CTPS1: variants seen among roughly 807,000 people sequenced by gnomAD.
The protein encoded by CTPS1 is CTP synthase 1.
A neutral mutation model predicts 80.5 loss-of-function variants in CTPS1; 25 were observed. The observed-to-expected ratio is 0.31, with a 90% confidence interval of 0.23 to 0.43. CTPS1 has a LOEUF of 0.43. Among genes scored for constraint, CTPS1 ranks in the 20% least tolerant of loss-of-function variants. The pLI is 1.00. For synonymous variants in CTPS1, 267 were observed against 252.5 expected (o/e 1.06, Z -0.54); for missense variants, 442 against 725.7 (o/e 0.61, Z 4.49).
At chr1:40,982,627 T>A (rs1338569401) in intron 1 of CTPS1, among the ~76,000 whole-genome samples, 1 of 152,174 alleles carries the variant, frequency 6.6e-6, no homozygotes, top group Non-Finnish European at 1.5e-5. Context: ...TGACCTCAAG[T>A]GATCCTCCTG....
chr1:41,000,064 A>C (rs182952973), intron 9 of CTPS1, among the ~76,000 whole-genome samples: 1 of 152,358 alleles, frequency 6.6e-6, no homozygotes, highest in East Asian at 1.9e-4. Flanking sequence ...AACACTAAGC[A>C]AAAGAAGCCA....
chr1:41,004,325 C>T (rs1642979176), intron 12 of CTPS1: 1 of 152,252 alleles, frequency 6.6e-6, no homozygotes, highest in Non-Finnish European at 1.5e-5. Context: ...GGGTTTCATT[C>T]ACCCTTTCCC....
intron 5 of CTPS1, among the ~76,000 whole-genome samples, chr1:40,990,948 G>A (rs1642591047): frequency 6.6e-6 from 1 of 152,176 alleles, no homozygotes; most frequent in African/African-American, 2.4e-5. Flanking sequence ...GATTGGAAAG[G>A]GGAGAGTGGG....
rs1288200124 is a variant in CTPS1, at chr1:40,983,388, A to G, written c.98A>G (p.His33Arg). 4 of 1,614,106 alleles carry G rather than the reference A, an allele frequency of 2.5e-6. No individual in the cohort carries two copies. Among genetic ancestry groups the G allele is most frequent in the Admixed American group, 3.3e-5 (2 of 60,010 alleles). ...ACAATACTCAAGTCATGTGGTTTAC[A>G]TGTAACTTCAATCAAAATTGACCCC... Reference protein sequence around the residue: ...VGTILKSCGLHVTSIKIDPYI... With the variant: ...VGTILKSCGLRVTSIKIDPYI... The change falls in exon 2 of 19, where the codon CAT becomes CGT. Residue 33 changes from histidine (H) to arginine (R), a missense_variant. Coordinates refer to ENST00000650070, the MANE Select transcript of CTPS1 (RefSeq NM_001905.4).
In CTPS1 at chr1:40,991,092, A is replaced by C. The variant is rs947979634; in HGVS notation, c.556-73A>C. ...TCTATTTCCTTATTAAAAGAGGTTCAAGGAAAAGTCATACTTGAAAATTCC... is the reference window on the plus strand; with the variant it reads ...TCTATTTCCTTATTAAAAGAGGTTCCAGGAAAAGTCATACTTGAAAATTCC... On this transcript the variant is annotated intron_variant, in intron 5 of 18. Coordinates refer to ENST00000650070, the MANE Select transcript of CTPS1 (RefSeq NM_001905.4). 5.5e-6 allele frequency: 6 copies of C among 1,098,080 alleles called. No individual in the cohort carries two copies. The African/African-American group carries it at 9.7e-5, about 18-fold the overall frequency. 68.0% of individuals were successfully genotyped at this position (1,098,080 alleles called of 1,614,324 possible).
intron 7 of CTPS1, among the ~76,000 whole-genome samples, chr1:40,993,774 CTTT>C (rs71278720): frequency 5.8e-5 from 5 of 85,770 alleles, no homozygotes; most frequent in Admixed American, 1.6e-4. Context: ...TTTCTTCTCT[CTTT>C]TTTTTTTTTT....
chr1:41,005,950 A>G, intron 12 of CTPS1, 101 bp from the exon 13 acceptor site: 1 of 936,060 alleles, frequency 1.1e-6, no homozygotes, highest in South Asian at 1.4e-5. Context: ...CTAATCACTG[A>G]TCTTAAACTG....
intron 18 of CTPS1, among the ~76,000 whole-genome samples, chr1:41,010,871 C>T (rs1040208266): frequency 3.3e-5 from 5 of 152,120 alleles, no homozygotes; most frequent in African/African-American, 9.7e-5. Flanking sequence ...GGCACTGCCA[C>T]GAAATGTAAA....
chr1:40,984,417 A>T (rs1165270155), intron 2 of CTPS1, among the ~76,000 whole-genome samples: 1 of 152,250 alleles, frequency 6.6e-6, no homozygotes, highest in East Asian at 1.9e-4. Flanking sequence ...ATATGCATAT[A>T]TCCAGGTTTT....
chr1:41,008,964 GTTA>G, intron 16 of CTPS1, 74 bp downstream of exon 16: 2 of 1,191,452 alleles, frequency 1.7e-6, no homozygotes, highest in Middle Eastern at 2.1e-4. Flanking sequence ...ATATAAAAAT[GTTA>G]TCTTGTTGCT....
chr1:41,009,626 T>C, intron 17 of CTPS1, 37 bp downstream of exon 17: 4 of 1,612,012 alleles, frequency 2.5e-6, no homozygotes, highest in Non-Finnish European at 3.4e-6. Flanking sequence ...CCATTAGTCT[T>C]CTCTAGTCCT....
At chr1:40,980,150 C>T (rs1651798962) in intron 1 of CTPS1, 1 of 151,284 alleles carries the variant, frequency 6.6e-6, no homozygotes, top group Non-Finnish European at 1.5e-5. Flanking sequence ...GCCGAATCAG[C>T]TCGGCCGGGC....
chr1:40,988,428 AG>A, intron 4 of CTPS1, 165 bp from the exon 5 acceptor site: 1 of 604,538 alleles, frequency 1.7e-6, no homozygotes. Context: ...TTTAGTACAA[AG>A]AGTTGTCTAA....
chr1:40,981,944 T>C (rs1438141879), intron 1 of CTPS1: 1 of 1,276,460 alleles, frequency 7.8e-7, no homozygotes, highest in Non-Finnish European at 1.0e-6. Context: ...TATCATAATT[T>C]GGCTTCACAT....
chr1:40,998,515 G>T (rs1053534186), intron 9 of CTPS1, among the ~76,000 whole-genome samples: 1 of 151,680 alleles, frequency 6.6e-6, no homozygotes, highest in Admixed American at 6.6e-5. Context: ...CCCTCTTTGT[G>T]CCTCAGTTTC....
intron 8 of CTPS1, 169 bp downstream of exon 8, chr1:40,996,237 G>A: frequency 2.7e-6 from 2 of 727,850 alleles, no homozygotes; most frequent in Non-Finnish European, 4.5e-6. Context: ...CTGTCACGTA[G>A]CTGTGGCACA....
chr1:41,008,225 C>T (rs1643083282), intron 14 of CTPS1, among the ~76,000 whole-genome samples: 1 of 152,136 alleles, frequency 6.6e-6, no homozygotes, highest in African/African-American at 2.4e-5. Flanking sequence ...TCACATGCAG[C>T]CACTGAGGGC....
At position 41,007,679 on chromosome 1, in the gene CTPS1, C is replaced by T; in HGVS notation, c.1393+134C>T. On this transcript the variant is annotated intron_variant, in intron 14 of 18. Coordinates refer to ENST00000650070, the MANE Select transcript of CTPS1 (RefSeq NM_001905.4). This position sits in a 1 kb window ranked among gnomAD's most constrained non-coding sequence, Gnocchi z 4.4. ...TCTTGCTTTTGAAGTTCATTCTTTC[C>T]TCTCTTATTCATACCCTTTTAGGAT... The T allele has an allele frequency of 1.5e-6, 1 of 679,948 alleles. No homozygotes were observed. The highest frequency in any genetic ancestry group is 2.6e-6 in the Non-Finnish European group (1 of 390,832). The allele number at this position is 679,948 out of a possible 1,614,324, so 42.1% of individuals were successfully genotyped here.
intron 17 of CTPS1, 75 bp from the exon 18 acceptor site, chr1:41,010,086 A>T (rs1299889888): frequency 1.1e-6 from 1 of 941,260 alleles, no homozygotes; most frequent in Non-Finnish European, 1.7e-6. Flanking sequence ...CCCTGTAGGA[A>T]CCGTGGTTAC....
Sources: gnomAD v4.1 joint callset for allele counts (sites outside exome capture counted in the v4.1 genomes callset) on GRCh38, gnomAD v4.1.1 for gene constraint, Gnocchi (gnomAD v3.1) non-coding constraint, MANE v1.5 for transcripts, NCBI Gene and HGNC (gene_info 2026-07-23, HGNC 2026-07-21) for gene names.